The following CSF2RA variants were observed in gnomAD, a reference collection of about 807,000 sequenced individuals.
The protein encoded by CSF2RA is granulocyte-macrophage colony-stimulating factor receptor subunit alpha.
A neutral mutation model predicts 51.6 loss-of-function variants in CSF2RA; 42 were observed. The observed-to-expected ratio is 0.81, with a 90% CI of 0.64 to 1.05. The LOEUF (loss-of-function observed/expected upper bound fraction) is 1.05. CSF2RA is among the 50% of genes least tolerant of loss of function. The probability of loss-of-function intolerance (pLI) is 0.00; values close to 1 mark genes in which losing one functional copy is unlikely to be tolerated. For synonymous variants in CSF2RA, 222 were observed against 193.0 expected, an observed-to-expected ratio of 1.15 and a Z score of -1.24; for missense variants, 530 against 501.1, an observed-to-expected ratio of 1.06 and a Z score of -0.55.
chrX:1,323,484 A>G, the CSF2RA span, among the ~76,000 whole-genome samples: 4 of 151,872 alleles, frequency 2.6e-5, no homozygotes, highest in African/African-American at 9.7e-5. Context: ...CCTTCAGGCG[A>G]CCGGATTCTC....
At chrX:1,277,971 A>G (rs1338655682) in intron 2 of CSF2RA, among the ~76,000 whole-genome samples, 16 of 110,504 alleles carry the variant, frequency 1.4e-4, no homozygotes, top group African/African-American at 5.3e-4. Context: ...AATGAGACTC[A>G]GTCTCAAAAA....
intron 4 of CSF2RA, among the ~76,000 whole-genome samples, chrX:1,287,842 G>C (rs376606791): frequency 1.6e-5 from 2 of 126,774 alleles, no homozygotes; most frequent in Non-Finnish European, 3.4e-5. Flanking sequence ...GTTCAAGAGA[G>C]TCTCCTGCCT....
rs755979267 is a variant in CSF2RA at position 1,294,507 on chromosome X, G to A, written c.780+46G>A. ...GCTGGGCACCAGGAGGGAGGCGTAC[G>A]GGACACGCCCGCACAGGAGCCTGGG... On this transcript the variant is annotated intron_variant, in intron 8 of 12. Coordinates refer to ENST00000381529, the MANE Select transcript of CSF2RA (RefSeq NM_172245.4). 7.2e-5 allele frequency: 116 copies of A among 1,612,130 alleles called. 1 individual carries two copies. The highest frequency in any genetic ancestry group is 1.2e-4 in the Admixed American group (7 of 59,952).
chrX:1,283,167 GTTCC>G (rs55802277), intron 3 of CSF2RA, among the ~76,000 whole-genome samples: 117,404 of 134,680 alleles, frequency 0.87, 50,487 homozygotes, highest in East Asian at 0.96. Flanking sequence ...TCCTTCCTTC[GTTCC>G]TTCCTTCCTT....
chrX:1,323,668 G>T, the CSF2RA span, among the ~76,000 whole-genome samples: 1,664 of 152,148 alleles, frequency 0.011, 30 homozygotes, highest in African/African-American at 0.03. Flanking sequence ...AAGATCTCTT[G>T]AATCCAGCAG....
intron 7 of CSF2RA, chrX:1,294,116 CAGG>C (rs2091684952): frequency 3.1e-6 from 2 of 650,998 alleles, no homozygotes; most frequent in African/African-American, 3.8e-5. Context: ...CCAGTGTAGA[CAGG>C]AGGAGACCCT....
chrX:1,284,660 AT>A (rs61159606), intron 3 of CSF2RA, among the ~76,000 whole-genome samples: 3,815 of 23,982 alleles, frequency 0.16, 21 homozygotes, highest in East Asian at 0.2. Context: ...CTAGTTTTTG[AT>A]TTTTTTTTTT....
chrX:1,323,176 A>AAAATAAAATAAAATAAAATAAAAT, the CSF2RA span, among the ~76,000 whole-genome samples: 1 of 151,790 alleles, frequency 6.6e-6, no homozygotes, highest in Non-Finnish European at 1.5e-5. Context: ...AAAATAAAAT[A>AAAATAAAATAAAATAAAATAAAAT]AAATAAAATA....
the CSF2RA span, among the ~76,000 whole-genome samples, chrX:1,315,524 C>T: frequency 1.3e-5 from 2 of 152,098 alleles, no homozygotes; most frequent in Non-Finnish European, 2.9e-5. Context: ...CTGCCTCAGC[C>T]TCTTGAGTAG....
chrX:1,322,321 C>T, the CSF2RA span, among the ~76,000 whole-genome samples: 1 of 150,478 alleles, frequency 6.6e-6, no homozygotes, highest in Non-Finnish European at 1.5e-5. Flanking sequence ...ACCGTGTTAG[C>T]CAGGATGCTC....
chrX:1,295,617 G>C, intron 9 of CSF2RA, 161 bp downstream of exon 9: 1 of 748,674 alleles, frequency 1.3e-6, no homozygotes, highest in Non-Finnish European at 2.4e-6. Context: ...ACCACACCTA[G>C]TGTAACTCTA....
chrX:1,316,376 C>G, the CSF2RA span, among the ~76,000 whole-genome samples: 1 of 152,110 alleles, frequency 6.6e-6, no homozygotes, highest in Non-Finnish European at 1.5e-5. Context: ...GAAGTTGGAA[C>G]TGATCTCACT....
chrX:1,319,585 G>T, the CSF2RA span, among the ~76,000 whole-genome samples: 2 of 150,154 alleles, frequency 1.3e-5, no homozygotes, highest in Non-Finnish European at 3.0e-5. Context: ...ACCATGCCTA[G>T]CCCAAGTTTT....
chrX:1,312,426 G>A (rs777671338), downstream of CSF2RA, among the ~76,000 whole-genome samples: 150 of 151,956 alleles, frequency 9.9e-4, no homozygotes, highest in African/African-American at 3.4e-3. Flanking sequence ...GAATTAGGAC[G>A]TGGACATCTT....
At chrX:1,304,324 C>T (rs1266805758) in intron 11 of CSF2RA, among the ~76,000 whole-genome samples, 3 of 96,630 alleles carry the variant, frequency 3.1e-5, no homozygotes, top group East Asian at 3.7e-4. Context: ...CGCTTGAACC[C>T]GGGAGGTGGA....
chrX:1,270,845 G>T (rs2088291705), intron 1 of CSF2RA, among the ~76,000 whole-genome samples: 1 of 95,986 alleles, frequency 1.0e-5, no homozygotes, highest in Admixed American at 1.1e-4. Context: ...TTCGAGACCA[G>T]CCTGGCCAAC....
chrX:1,280,928 TCTC>T (rs1328073063), intron 2 of CSF2RA, among the ~76,000 whole-genome samples: 3 of 19,796 alleles, frequency 1.5e-4, no homozygotes, highest in African/African-American at 4.9e-4. Flanking sequence ...TCCTCCTCCT[TCTC>T]CTCCTCCTCC....
Position 1,283,337 on chromosome X carries a change from T to C in CSF2RA, c.76+558T>C, listed in dbSNP as rs186480347. Among the ~76,000 whole-genome samples the C allele has an allele frequency of 2.0e-5, 3 of 148,776 alleles. No homozygotes were observed. In the East Asian group the frequency reaches 5.9e-4, roughly 29 times the overall value. ...TCCCTCCTTCCCTTTCTCTCTTTCT[T>C]CCTTCCATTGTTTCCTTCTTTCCTT... On this transcript the variant is annotated intron_variant, in intron 3 of 12. Transcript: ENST00000381529.
At chrX:1,300,936 C>T (rs1461522357) in intron 10 of CSF2RA, among the ~76,000 whole-genome samples, 14 of 151,408 alleles carry the variant, frequency 9.2e-5, no homozygotes, top group African/African-American at 1.2e-4. Flanking sequence ...GGCGGATCAC[C>T]GGAGGTCAGG....
Sources: allele counts gnomAD v4.1 joint callset (sites outside exome capture counted in the v4.1 genomes callset), GRCh38; gene constraint gnomAD v4.1.1; transcripts MANE v1.5; gene names NCBI Gene and HGNC (gene_info 2026-07-23, HGNC 2026-07-21).